Variants in TMEM175 observed in about 807,000 individuals in gnomAD.
TMEM175 encodes the protein endosomal/lysosomal proton channel TMEM175.
In TMEM175, 36 loss-of-function variants were observed where a neutral mutation model predicts 36.5. The ratio of observed to expected loss-of-function variants is 0.99; its 90% CI spans 0.76 to 1.30. The LOEUF is 1.30. Ranked by LOEUF, TMEM175 falls within the 50% of genes most tolerant of loss-of-function variation. TMEM175 has a pLI of 0.00. For synonymous variants in TMEM175, 339 were observed against 313.4 expected (o/e 1.08, Z -0.86); for missense variants, 705 against 692.8 (o/e 1.02, Z -0.20).
At chr4:950,340 C>A in intron 3 of TMEM175, 81 bp from the exon 4 acceptor site, 1 of 1,190,098 alleles carries the variant, frequency 8.4e-7, no homozygotes, top group Non-Finnish European at 1.2e-6. Flanking sequence ...GAGGCCAGCC[C>A]CCCCTCACGG....
intron 1 of TMEM175, among the ~76,000 whole-genome samples, chr4:944,505 C>T (rs1727891870): frequency 1.3e-5 from 2 of 152,122 alleles, no homozygotes; most frequent in Non-Finnish European, 2.9e-5. Flanking sequence ...ACCTGCTCCC[C>T]GCCCCTCCCT....
At chr4:952,279 TG>T in intron 6 of TMEM175, 87 bp from the exon 7 acceptor site, 3 of 1,168,486 alleles carry the variant, frequency 2.6e-6, no homozygotes, top group Non-Finnish European at 1.3e-6. Flanking sequence ...TCCCGTGGAG[TG>T]GGGAGGCTCA....
Position 932,631 on chromosome 4 carries a change from G to A in TMEM175, c.-32+91G>A, listed in dbSNP as rs1005367138. The A allele has an allele frequency of 2.8e-6, 1 of 356,762 alleles. No individual in the cohort carries two copies. Among genetic ancestry groups the A allele is most frequent in the Non-Finnish European group, 5.0e-6 (1 of 199,154 alleles). The allele number at this position is 356,762 out of a possible 1,614,324, so 22.1% of individuals were successfully genotyped here. On this transcript the variant is annotated intron_variant, in intron 1 of 10. Transcript: ENST00000264771. The surrounding 1 kb of genome is among the most constrained non-coding windows in gnomAD (Gnocchi z 4.0). ...CTTCTCAGGTGTCTCCGGTTTAAGC[G>A]CTTCGCCATCCTCTGGGTGGAGTCA...
chr4:951,952 G>C (rs1479324461), intron 6 of TMEM175: 2 of 598,102 alleles, frequency 3.3e-6, no homozygotes, highest in Non-Finnish European at 5.9e-6. Flanking sequence ...GCTCCCACCC[G>C]GCCCTGAGCC....
Position 947,699 on chromosome 4 carries a change from T to G in TMEM175, c.-31-10T>G. On this transcript the variant is annotated splice_polypyrimidine_tract_variant and intron_variant, in intron 1 of 10. Transcript: ENST00000264771. ...CCCACAGGCACACTCAGACCTGCCT[T>G]TCCTCCCAGGCTCCTGTAACCGCCA... 2 of 1,567,912 alleles carry G rather than the reference T, an allele frequency of 1.3e-6. No individual in the cohort carries two copies.
chr4:950,332 G>A, intron 3 of TMEM175, 89 bp from the exon 4 acceptor site: 1 of 1,133,438 alleles, frequency 8.8e-7, no homozygotes, highest in East Asian at 2.4e-5. Flanking sequence ...CCTGGGCCGA[G>A]GCCAGCCCCC....
chr4:936,634 G>A (rs1726813986), intron 1 of TMEM175, among the ~76,000 whole-genome samples: 1 of 152,302 alleles, frequency 6.6e-6, no homozygotes, highest in East Asian at 1.9e-4. Flanking sequence ...TTCCTGGAAA[G>A]CACAAACCAC....
At chr4:941,449 T>C (rs1270517822) in intron 1 of TMEM175, among the ~76,000 whole-genome samples, 1 of 150,492 alleles carries the variant, frequency 6.6e-6, no homozygotes, top group African/African-American at 2.4e-5. Flanking sequence ...CTTTTTTTTT[T>C]TTTTCTTGAG....
At position 956,007 on chromosome 4, in the gene TMEM175, G is replaced by A. The variant is rs1046692175; in HGVS notation, c.842+117G>A. On this transcript the variant is annotated intron_variant, in intron 10 of 10. Coordinates refer to ENST00000264771, the MANE Select transcript of TMEM175 (RefSeq NM_032326.4). ...GGGGTCTTGGCTCCACCCTCCTCTG[G>A]ATGCCTAGAGTTTTGTGTGAGGTCA... 5.4e-6 allele frequency: 7 copies of A among 1,307,670 alleles called. No homozygotes were observed. In the Admixed American group the frequency reaches 1.3e-4, roughly 24 times the overall value. The allele number at this position is 1,307,670 out of a possible 1,614,324, so 81.0% of individuals were successfully genotyped here.
intron 10 of TMEM175, chr4:956,424 C>G (rs901006640): frequency 7.8e-7 from 1 of 1,283,368 alleles, no homozygotes; most frequent in Non-Finnish European, 1.0e-6. Context: ...TCAGTCGTCA[C>G]GTTTTTGGTT....
intron 4 of TMEM175, among the ~76,000 whole-genome samples, chr4:950,839 T>TGGTGCAGTAGGCGGAGGTGTGGAC (rs1188858257): frequency 6.7e-6 from 1 of 149,840 alleles, no homozygotes; most frequent in African/African-American, 2.5e-5. Flanking sequence ...ATGGTGTGGA[T>TGGTGCAGTAGGCGGAGGTGTGGAC]GGTGCAGTAG....
chr4:952,539 G>A (rs1300089553), intron 7 of TMEM175, 89 bp downstream of exon 7: 10 of 1,354,344 alleles, frequency 7.4e-6, no homozygotes, highest in Middle Eastern at 5.2e-4. Context: ...GGGTCGTGCA[G>A]GTAGGGGGCC....
chr4:943,838 G>A (rs1038692596), intron 1 of TMEM175, among the ~76,000 whole-genome samples: 8 of 152,260 alleles, frequency 5.3e-5, no homozygotes, highest in Middle Eastern at 3.4e-3. Flanking sequence ...TTTTTCAGCT[G>A]GTAAGTGGAT....
chr4:948,681 A>G lies in TMEM175; in HGVS notation c.192+527A>G, dbSNP rs533878329. The G allele has an allele frequency of 2.4e-5, 29 of 1,207,246 alleles. No homozygotes were observed. In the Admixed American group the frequency reaches 6.5e-4, roughly 27 times the overall value. The allele number at this position is 1,207,246 out of a possible 1,614,324, so 74.8% of individuals were successfully genotyped here. On this transcript the variant is annotated intron_variant, in intron 3 of 10. Transcript: ENST00000264771. ...CTGTTTCTGAGCTAAAGAGCCAAAC[A>G]GCATCTTAGAAGGGGAATGACTGGA...
Position 932,500 on chromosome 4 carries a change from C to G in TMEM175, c.-72C>G, listed in dbSNP as rs988148815. 16 of 468,110 alleles carry G rather than the reference C, an allele frequency of 3.4e-5. No homozygotes were observed. The highest frequency in any genetic ancestry group is 5.2e-5 in the Non-Finnish European group (14 of 271,132). The allele number at this position is 468,110 out of a possible 1,614,324, so 29.0% of individuals were successfully genotyped here. ...AAGCTCCCGGCCGGGCTGACTCAAG[C>G]GGAGGCGCGCGGAACAGTCGCCGAG... On this transcript the variant is annotated 5_prime_UTR_variant, in exon 1 of 11. Transcript: ENST00000264771. This position sits in a 1 kb window ranked among gnomAD's most constrained non-coding sequence, Gnocchi z 4.0.
At chr4:949,507 G>A (rs529993517) in intron 3 of TMEM175, among the ~76,000 whole-genome samples, 24 of 152,340 alleles carry the variant, frequency 1.6e-4, no homozygotes, top group African/African-American at 5.3e-4. Flanking sequence ...TCCTGGGGCT[G>A]TGCTCACTCT....
chr4:944,598 G>A (rs377257649), intron 1 of TMEM175, among the ~76,000 whole-genome samples: 5 of 152,040 alleles, frequency 3.3e-5, no homozygotes, highest in South Asian at 2.1e-4. Flanking sequence ...ATACACATAC[G>A]GTGTGTGTAT....
At chr4:949,994 C>CT (rs1443032542) in intron 3 of TMEM175, among the ~76,000 whole-genome samples, 1 of 152,168 alleles carries the variant, frequency 6.6e-6, no homozygotes, top group African/African-American at 2.4e-5. Context: ...TGACCTGGTG[C>CT]TTTTGCCCTC....
chr4:956,764 T>A, intron 10 of TMEM175: 1 of 321,080 alleles, frequency 3.1e-6, no homozygotes, highest in Non-Finnish European at 6.0e-6. Context: ...TTGAATTTGC[T>A]TTTTTACATC....
Sources: allele counts gnomAD v4.1 joint callset (sites outside exome capture counted in the v4.1 genomes callset), GRCh38; gene constraint gnomAD v4.1.1; non-coding constraint Gnocchi (gnomAD v3.1); transcripts MANE v1.5; gene names NCBI Gene and HGNC (gene_info 2026-07-23, HGNC 2026-07-21).